Variants in DMD observed in about 807,000 individuals in gnomAD.
DMD encodes the protein dystrophin, also known as mutant dystrophin.
A neutral mutation model predicts 330.1 loss-of-function variants in DMD; 63 were observed. That is an observed-to-expected ratio of 0.19 (90% CI 0.16 to 0.24). The LOEUF (loss-of-function observed/expected upper bound fraction) is 0.24. Ranked by LOEUF, DMD falls within the 10% of genes least tolerant of loss-of-function variation. The pLI is 1.00. For synonymous variants in DMD, 1,223 were observed against 959.8 expected, an observed-to-expected ratio of 1.27 and a Z score of -5.07; for missense variants, 3,344 against 2,684.1, an observed-to-expected ratio of 1.25 and a Z score of -5.43.
At chrX:31,305,985 CTGTTGT>C (rs752976124) in intron 62 of DMD, among the ~76,000 whole-genome samples, 1 of 111,702 alleles carries the variant, frequency 9.0e-6, no homozygotes, top group Non-Finnish European at 1.9e-5. Flanking sequence ...ATATTTTTTG[CTGTTGT>C]TGTTGTTGTT....
chrX:31,242,149 G>C (rs2048367723), intron 63 of DMD, among the ~76,000 whole-genome samples: 1 of 107,584 alleles, frequency 9.3e-6, no homozygotes, highest in African/African-American at 3.4e-5. Flanking sequence ...CCAGCTGCCT[G>C]GGGGGCTGAG....
At chrX:32,589,325 T>C (rs1456770837) in intron 13 of DMD, among the ~76,000 whole-genome samples, 1 of 111,327 alleles carries the variant, frequency 9.0e-6, no homozygotes, top group East Asian at 2.8e-4. Context: ...ATCTAGACAC[T>C]ATATCACAGT....
intron 52 of DMD, among the ~76,000 whole-genome samples, chrX:31,710,790 C>T (rs779951312): frequency 9.0e-6 from 1 of 111,535 alleles, no homozygotes; most frequent in Non-Finnish European, 1.9e-5. Context: ...GTTGGCTATG[C>T]AAAACTGAGG....
intron 7 of DMD, among the ~76,000 whole-genome samples, chrX:32,730,341 G>A (rs950586945): frequency 8.9e-5 from 10 of 112,074 alleles, no homozygotes; most frequent in African/African-American, 3.2e-4. Flanking sequence ...GTAATATCTT[G>A]TCTCTTAAAA....
chrX:32,418,972 C>CAAAAAAAAAAAAAAAAAAAAAAAAAAAA lies in DMD; in HGVS notation c.4072-7060_4072-7059insTTTTTTTTTTTTTTTTTTTTTTTTTTTT, dbSNP rs1160282195. Among the ~76,000 whole-genome samples the CAAAAAAAAAAAAAAAAAAAAAAAAAAAA allele has an allele frequency of 5.9e-4, 8 of 13,508 alleles. 1 individual carries two copies. The highest frequency in any genetic ancestry group is 1.0e-3 in the Non-Finnish European group (7 of 6,717). The allele number at this position is 13,508 out of a possible 115,157, so 11.7% of individuals were successfully genotyped here. On this transcript the variant is annotated intron_variant, in intron 29 of 78. Coordinates refer to ENST00000357033, the MANE Select transcript of DMD (RefSeq NM_004006.3). ...TGGGTGACAGAGTGAGACTCTGTCT[C>CAAAAAAAAAAAAAAAAAAAAAAAAAAAA]AAAAAAAAAAAAAAAAAAAAAAAAA... is the stretch of plus-strand genomic sequence containing the variant.
intron 44 of DMD, among the ~76,000 whole-genome samples, chrX:32,134,036 C>A (rs1292798625): frequency 8.9e-6 from 1 of 111,772 alleles, no homozygotes; most frequent in Non-Finnish European, 1.9e-5. Flanking sequence ...GAGATCTTTG[C>A]TCAAATGTCA....
chrX:33,030,884 C>T (rs770329326), intron 1 of DMD, among the ~76,000 whole-genome samples: 10 of 111,795 alleles, frequency 8.9e-5, no homozygotes, highest in Non-Finnish European at 1.7e-4. Flanking sequence ...CAAATGTGCA[C>T]GACACACAAC....
intron 1 of DMD, among the ~76,000 whole-genome samples, chrX:33,192,940 G>A (rs897221847): frequency 1.2e-4 from 13 of 111,611 alleles, no homozygotes; most frequent in Non-Finnish European, 2.1e-4. Flanking sequence ...ATGCATTCAC[G>A]TACACACTAT....
At chrX:32,075,285 G>A (rs1027678627) in intron 44 of DMD, among the ~76,000 whole-genome samples, 5 of 112,000 alleles carry the variant, frequency 4.5e-5, no homozygotes, top group African/African-American at 1.6e-4. Flanking sequence ...TTATCCATAT[G>A]TAGGATTTTT....
In DMD at chrX:32,339,490, T is replaced by G. The variant is rs747958215; in HGVS notation, c.5922+2610A>C. ...TTCTTTATCATCTCCAGGTTTGCCC[T>G]GAGGACCACAATTTGCAGATACCCT... On this transcript the variant is annotated intron_variant, in intron 41 of 78. Coordinates refer to ENST00000357033, the MANE Select transcript of DMD (RefSeq NM_004006.3). Among the ~76,000 whole-genome samples, 52 of 111,835 alleles carry G rather than the reference T, an allele frequency of 4.6e-4. 1 individual carries two copies. Among genetic ancestry groups the G allele is most frequent in the African/African-American group, 1.3e-3 (39 of 30,792 alleles).
intron 1 of DMD, among the ~76,000 whole-genome samples, chrX:33,025,153 G>A (rs752751504): frequency 8.9e-6 from 1 of 112,212 alleles, no homozygotes; most frequent in East Asian, 2.8e-4. Flanking sequence ...ATGGGTGTTA[G>A]AAAAGATATT....
At chrX:31,224,539 C>T (rs2046394831) in intron 63 of DMD, among the ~76,000 whole-genome samples, 1 of 112,223 alleles carries the variant, frequency 8.9e-6, no homozygotes, top group South Asian at 3.7e-4. Flanking sequence ...TTCTCAGACA[C>T]TGCTTGTTGG....
chrX:31,395,452 A>G (rs1213135621), intron 60 of DMD, among the ~76,000 whole-genome samples: 1 of 112,040 alleles, frequency 8.9e-6, no homozygotes, highest in African/African-American at 3.2e-5. Context: ...ATAACTGAAG[A>G]CCGGCAGACA....
At chrX:32,880,979 T>C (rs2083885863) in intron 2 of DMD, among the ~76,000 whole-genome samples, 1 of 112,920 alleles carries the variant, frequency 8.9e-6, no homozygotes. Flanking sequence ...AAGATTTCTT[T>C]CAAACCTGTA....
intron 1 of DMD, among the ~76,000 whole-genome samples, chrX:33,198,071 T>C (rs185002434): frequency 1.8e-5 from 2 of 111,788 alleles, no homozygotes; most frequent in Non-Finnish European, 1.9e-5. Context: ...TGCATCCCTG[T>C]TAGCTTTCAG....
intron 9 of DMD, among the ~76,000 whole-genome samples, chrX:32,695,567 A>G (rs1214130691): frequency 9.0e-6 from 1 of 111,319 alleles, no homozygotes; most frequent in Non-Finnish European, 1.9e-5. Context: ...TGGACAAGAA[A>G]CTTCATAATA....
intron 2 of DMD, among the ~76,000 whole-genome samples, chrX:32,930,300 T>C (rs2146682103): frequency 9.0e-6 from 1 of 110,854 alleles, no homozygotes; most frequent in South Asian, 3.8e-4. Context: ...GAAAAATTGT[T>C]AAGTTGAACT....
intron 1 of DMD, among the ~76,000 whole-genome samples, chrX:33,298,376 C>T (rs996920930): frequency 6.3e-5 from 7 of 111,259 alleles, no homozygotes; most frequent in Middle Eastern, 4.7e-3. Flanking sequence ...CATTGCTGAA[C>T]GTCTTTAATT....
chrX:32,704,654 G>A (rs1381590162), intron 7 of DMD, among the ~76,000 whole-genome samples: 1 of 112,319 alleles, frequency 8.9e-6, no homozygotes, highest in African/African-American at 3.2e-5. Context: ...AACTGTGAGA[G>A]GATGTCATTT....
Sources: gnomAD v4.1 joint callset for allele counts (sites outside exome capture counted in the v4.1 genomes callset) on GRCh38, gnomAD v4.1.1 for gene constraint, MANE v1.5 for transcripts, NCBI Gene and HGNC (gene_info 2026-07-23, HGNC 2026-07-21) for gene names.